The following CHD6 variants were observed in gnomAD, a reference collection of about 807,000 sequenced individuals.
CHD6 encodes chromodomain helicase DNA binding protein 6, also known as ATP-dependent chromatin remodeler CHD6.
CHD6 carries 50 observed loss-of-function variants against 276.9 expected under a neutral mutation model. The observed-to-expected ratio is 0.18, with a 90% CI of 0.14 to 0.23. CHD6 has a LOEUF of 0.23. Ranked by LOEUF, CHD6 falls within the 10% of genes least tolerant of loss-of-function variation. The pLI is 1.00. For synonymous variants in CHD6, 1,173 were observed against 1,229.3 expected, an observed-to-expected ratio of 0.95 and a Z score of 0.96; for missense variants, 2,564 against 3,365.8, an observed-to-expected ratio of 0.76 and a Z score of 5.89.
chr20:41,431,635 G>A (rs780829811), intron 27 of CHD6, among the ~76,000 whole-genome samples: 69 of 152,044 alleles, frequency 4.5e-4, no homozygotes, highest in Non-Finnish European at 7.8e-4. Context: ...CTTCTGGGAT[G>A]CATTTCCCTA....
intron 1 of CHD6, among the ~76,000 whole-genome samples, chr20:41,560,035 T>C (rs963322419): frequency 2.0e-5 from 3 of 152,100 alleles, no homozygotes; most frequent in Non-Finnish European, 4.4e-5. Context: ...ATCCCTTGGT[T>C]CCTCTCCAGT....
chr20:41,593,685 T>C (rs1165359577), intron 1 of CHD6, among the ~76,000 whole-genome samples: 2 of 152,196 alleles, frequency 1.3e-5, no homozygotes, highest in Non-Finnish European at 2.9e-5. Context: ...TATTTGGAGA[T>C]AGGGTCTTTA....
Position 41,424,163 on chromosome 20 carries a change from T to C in CHD6, c.4347-463A>G, listed in dbSNP as rs578212887. 2.9e-3 allele frequency among the ~76,000 whole-genome samples: 441 copies of C among 152,350 alleles called. 1 individual carries two copies. The highest frequency in any genetic ancestry group is 4.5e-3 in the Non-Finnish European group (309 of 68,024). The stretch of plus-strand genomic sequence containing the variant: ...AAATTCAACCTCCTTATCTTACTGG[T>C]GTCCCGAAGGGAAGTGACTACTTCA... On this transcript the variant is annotated intron_variant, in intron 29 of 36. Coordinates refer to ENST00000373233, the MANE Select transcript of CHD6 (RefSeq NM_032221.5).
In CHD6 at chr20:41,421,195, A is replaced by T. The variant is rs540180941; in HGVS notation, c.5440T>A (p.Ser1814Thr). ...QLEAKCLASP[S>T]LNPGNESGFV... is the part of the protein sequence containing the mutation. Reference sequence around the variant, plus strand: ...CCACTTTCATTTCCTGGATTCAAGGAAGGGGAAGCTAAACACTTGGCTTCC... The same window carrying T: ...CCACTTTCATTTCCTGGATTCAAGGTAGGGGAAGCTAAACACTTGGCTTCC... The change falls in exon 31 of 37, where the codon TCC becomes ACC. Residue 1814 changes from serine to threonine, a missense_variant. Physicochemically the swap from Ser to Thr is moderately conservative, Grantham distance 58. Transcript: ENST00000373233. The T allele has an allele frequency of 1.9e-5, 31 of 1,613,446 alleles. No individual in the cohort carries two copies. Among genetic ancestry groups the T allele is most frequent in the Middle Eastern group, 1.7e-4 (1 of 6,060 alleles).
intron 17 of CHD6, among the ~76,000 whole-genome samples, chr20:41,458,270 T>C (rs2048438014): frequency 6.6e-6 from 1 of 152,230 alleles, no homozygotes; most frequent in African/African-American, 2.4e-5. Flanking sequence ...AATATTTGAT[T>C]CTCTTTATTT....
At chr20:41,429,699 T>A (rs1176467884) in intron 27 of CHD6, among the ~76,000 whole-genome samples, 2 of 152,222 alleles carry the variant, frequency 1.3e-5, no homozygotes, top group Non-Finnish European at 2.9e-5. Context: ...TAAAGAAAGC[T>A]AGATGGAACC....
intron 1 of CHD6, among the ~76,000 whole-genome samples, chr20:41,589,428 G>A (rs942951232): frequency 1.3e-5 from 2 of 152,170 alleles, no homozygotes; most frequent in Admixed American, 6.5e-5. Flanking sequence ...AAGTCAAACC[G>A]TCCCTGTTTG....
intron 3 of CHD6, among the ~76,000 whole-genome samples, chr20:41,521,558 T>C (rs973927497): frequency 1.3e-5 from 2 of 152,152 alleles, no homozygotes; most frequent in Non-Finnish European, 2.9e-5. Context: ...ATATAATATG[T>C]GTGTAGATAT....
chr20:41,566,567 A>G (rs2045357673), intron 1 of CHD6, among the ~76,000 whole-genome samples: 1 of 152,180 alleles, frequency 6.6e-6, no homozygotes, highest in Non-Finnish European at 1.5e-5. Flanking sequence ...TGAGGGGACC[A>G]TGTGCAGTTC....
At chr20:41,616,257 T>C (rs1026123585) in intron 1 of CHD6, among the ~76,000 whole-genome samples, 11 of 152,180 alleles carry the variant, frequency 7.2e-5, no homozygotes, top group Admixed American at 1.3e-4. Context: ...ATTATAAAGA[T>C]ATAGAATATT....
intron 1 of CHD6, among the ~76,000 whole-genome samples, chr20:41,586,695 CA>C (rs559287975): frequency 1.7e-4 from 26 of 152,154 alleles, no homozygotes; most frequent in African/African-American, 6.3e-4. Context: ...AAACATCAGT[CA>C]ATATAATTCA....
Position 41,484,704 on chromosome 20 carries a change from C to G in CHD6, c.2002-97G>C. On this transcript the variant is annotated intron_variant, in intron 14 of 36. Coordinates refer to ENST00000373233, the MANE Select transcript of CHD6 (RefSeq NM_032221.5). ...CACTCTAATTTCTTGAACATTTACC[C>G]ATAGTACTGTGGTAGTAGACTAAAA... 3.9e-6 allele frequency: 5 copies of G among 1,285,274 alleles called. No individual in the cohort carries two copies. In the South Asian group the frequency reaches 6.7e-5, roughly 17 times the overall value. 79.6% of individuals were successfully genotyped at this position (1,285,274 alleles called of 1,614,324 possible).
At chr20:41,575,660 T>C (rs2045466684) in intron 1 of CHD6, among the ~76,000 whole-genome samples, 1 of 152,204 alleles carries the variant, frequency 6.6e-6, no homozygotes, top group African/African-American at 2.4e-5. Context: ...GCACCCAGAA[T>C]TGTGCTAATA....
chr20:41,449,951 T>C (rs2048185696), intron 23 of CHD6, among the ~76,000 whole-genome samples: 1 of 152,228 alleles, frequency 6.6e-6, no homozygotes, highest in African/African-American at 2.4e-5. Flanking sequence ...GACAATTTCA[T>C]GCCTAAAATA....
At chr20:41,589,521 C>T (rs983828989) in intron 1 of CHD6, among the ~76,000 whole-genome samples, 6 of 152,288 alleles carry the variant, frequency 3.9e-5, no homozygotes, top group Admixed American at 6.5e-5. Context: ...TCAGCAAAGT[C>T]GCAGGATAGA....
chr20:41,439,914 G>C, intron 26 of CHD6, 86 bp downstream of exon 26: 1 of 1,391,344 alleles, frequency 7.2e-7, no homozygotes, highest in Non-Finnish European at 1.0e-6. Context: ...CTGAGGAAGA[G>C]ATAAAGAGTG....
At position 41,576,598 on chromosome 20, in the gene CHD6, C is replaced by T. The variant is rs1412513118; in HGVS notation, c.-23-25238G>A. 4.6e-5 allele frequency among the ~76,000 whole-genome samples: 7 copies of T among 152,172 alleles called. No individual in the cohort carries two copies. In the South Asian group the frequency reaches 8.3e-4, roughly 18 times the overall value. On this transcript the variant is annotated intron_variant, in intron 1 of 36. Transcript: ENST00000373233. ...CTGAGGCACAAGAATCACTTGAACCCAGGAGGCAGAGGTTGCAGTGAGCTG... is the reference window on the plus strand; with the variant it reads ...CTGAGGCACAAGAATCACTTGAACCTAGGAGGCAGAGGTTGCAGTGAGCTG...
intron 31 of CHD6, among the ~76,000 whole-genome samples, chr20:41,419,079 T>C (rs2047095434): frequency 6.6e-6 from 1 of 152,208 alleles, no homozygotes; most frequent in African/African-American, 2.4e-5. Flanking sequence ...ATGGCAGCAA[T>C]GCTTCGTGGC....
At chr20:41,483,072 TTTTAAGCAAAGCAAGGACTG>T (rs2043330902) in intron 16 of CHD6, among the ~76,000 whole-genome samples, 1 of 152,228 alleles carries the variant, frequency 6.6e-6, no homozygotes. Flanking sequence ...GGAATTTTTT[TTTTAAGCAAAGCAAGGACTG>T]TACATCATAG....
Sources: gnomAD v4.1 joint callset for allele counts (sites outside exome capture counted in the v4.1 genomes callset) on GRCh38, gnomAD v4.1.1 for gene constraint, MANE v1.5 for transcripts, NCBI Gene and HGNC (gene_info 2026-07-23, HGNC 2026-07-21) for gene names.